Variants in SCAPER observed in about 807,000 individuals in gnomAD.
SCAPER encodes S phase cyclin A-associated protein in the endoplasmic reticulum.
In SCAPER, 98 loss-of-function variants were observed where a neutral mutation model predicts 182.2. The ratio of observed to expected loss-of-function variants is 0.54; its 90% CI spans 0.46 to 0.64. The LOEUF is 0.64. Among genes scored for constraint, SCAPER ranks in the 30% least tolerant of loss-of-function variants. The pLI is 0.00. For missense variants in SCAPER, 1,432 were observed against 1,690.0 expected, an observed-to-expected ratio of 0.85 and a Z score of 2.68; for synonymous variants, 605 against 564.6, an observed-to-expected ratio of 1.07 and a Z score of -1.01.
intron 16 of SCAPER, among the ~76,000 whole-genome samples, chr15:76,729,694 A>G (rs1213990905): frequency 6.6e-6 from 1 of 152,124 alleles, no homozygotes; most frequent in Non-Finnish European, 1.5e-5. Context: ...ATAAATAATA[A>G]TATGTATTTC....
intron 21 of SCAPER, among the ~76,000 whole-genome samples, chr15:76,627,257 GAAATT>G (rs2052669887): frequency 7.4e-6 from 1 of 135,100 alleles, no homozygotes; most frequent in Non-Finnish European, 1.6e-5. Flanking sequence ...ACAAATCTCA[GAAATT>G]AAACCTCTAT....
At chr15:76,826,569 TAA>T (rs35678906) in intron 5 of SCAPER, among the ~76,000 whole-genome samples, 111,631 of 144,084 alleles carry the variant, frequency 0.77, 44,368 homozygotes, top group Middle Eastern at 0.9. Flanking sequence ...TAATAATAAT[TAA>T]AAAAAAAAAA....
chr15:76,408,754 G>C (rs1476931306), intron 26 of SCAPER, among the ~76,000 whole-genome samples: 1 of 151,712 alleles, frequency 6.6e-6, no homozygotes, highest in Non-Finnish European at 1.5e-5. Context: ...TCTGACTCCT[G>C]ATAAGAGGGT....
chr15:76,726,457 C>A lies in SCAPER; in HGVS notation c.2165+2138G>T, dbSNP rs190566301. ...CTATGAAAAACAGTAGGGTTCTCTT[C>A]AAAAAAAAACCAATAAAATTAGTAT... is the stretch of plus-strand genomic sequence containing the variant. On this transcript the variant is annotated intron_variant, in intron 17 of 31. Transcript: ENST00000563290. Among the ~76,000 whole-genome samples, 1,480 of 149,356 alleles carry A rather than the reference C, an allele frequency of 9.9e-3. 10 individuals carry two copies. The highest frequency in any genetic ancestry group is 0.015 in the Non-Finnish European group (1,026 of 67,128).
At chr15:76,800,498 G>C in intron 6 of SCAPER, 134 bp from the exon 7 acceptor site, 1 of 661,492 alleles carries the variant, frequency 1.5e-6, no homozygotes, top group Non-Finnish European at 2.7e-6. Context: ...CACAACATGT[G>C]CAAATGTTCC....
At chr15:76,692,696 G>GAAAAAA (rs71143354) in intron 20 of SCAPER, among the ~76,000 whole-genome samples, 1 of 98,788 alleles carries the variant, frequency 1.0e-5, no homozygotes, top group Non-Finnish European at 2.0e-5. Flanking sequence ...TTCAAAAAAA[G>GAAAAAA]AAAAAAAAAA....
chr15:76,506,060 T>C (rs528648609), intron 23 of SCAPER, among the ~76,000 whole-genome samples: 14 of 150,576 alleles, frequency 9.3e-5, no homozygotes, highest in African/African-American at 3.4e-4. Context: ...ATTGAACTCA[T>C]GGAGATAGAG....
At chr15:76,876,210 G>A (rs1259634710) in intron 2 of SCAPER, among the ~76,000 whole-genome samples, 3 of 152,130 alleles carry the variant, frequency 2.0e-5, no homozygotes, top group African/African-American at 7.2e-5. Context: ...ACACCTCCCG[G>A]CAAGCTGAGG....
intron 10 of SCAPER, among the ~76,000 whole-genome samples, chr15:76,768,248 C>T (rs1429853906): frequency 3.6e-4 from 55 of 152,038 alleles, no homozygotes; most frequent in Non-Finnish European, 2.1e-4. Context: ...AACTGTTATG[C>T]AAATACTTAA....
chr15:76,465,400 T>C (rs2049526308), intron 25 of SCAPER, among the ~76,000 whole-genome samples: 1 of 152,136 alleles, frequency 6.6e-6, no homozygotes, highest in Non-Finnish European at 1.5e-5. Context: ...AGGCTCCTCC[T>C]CCTAATGCCA....
chr15:76,571,651 A>T (rs2047442274), intron 23 of SCAPER, among the ~76,000 whole-genome samples: 1 of 152,162 alleles, frequency 6.6e-6, no homozygotes, highest in African/African-American at 2.4e-5. Context: ...GCAAATAAAG[A>T]CGTCAAGATT....
chr15:76,459,677 A>G (rs2049009591), intron 25 of SCAPER, among the ~76,000 whole-genome samples: 1 of 151,006 alleles, frequency 6.6e-6, no homozygotes, highest in Non-Finnish European at 1.5e-5. Flanking sequence ...AAAGGTTTTT[A>G]GTTTAATATA....
At chr15:76,384,293 T>C (rs1403019417) in intron 27 of SCAPER, among the ~76,000 whole-genome samples, 3 of 152,208 alleles carry the variant, frequency 2.0e-5, no homozygotes, top group Non-Finnish European at 4.4e-5. Flanking sequence ...TTCCCTTTAC[T>C]CTTGTGTTGC....
intron 2 of SCAPER, among the ~76,000 whole-genome samples, chr15:76,876,887 C>A (rs907591773): frequency 6.6e-6 from 1 of 152,190 alleles, no homozygotes; most frequent in African/African-American, 2.4e-5. Context: ...GCTGAACCTA[C>A]AGCAGCTTGT....
intron 5 of SCAPER, among the ~76,000 whole-genome samples, chr15:76,815,986 T>C (rs946301922): frequency 1.3e-5 from 2 of 152,150 alleles, no homozygotes; most frequent in Non-Finnish European, 2.9e-5. Flanking sequence ...AAAAATACGT[T>C]GCAAAATATT....
rs540596058 is a variant in SCAPER, at chr15:76,658,272, C to G, written c.2645+7381G>C. ...AGTGGCATTTCTACACACCAACATCCAAGCTGAGGGCCAATTCAAGAATGC... is the reference window on the plus strand; with the variant it reads ...AGTGGCATTTCTACACACCAACATCGAAGCTGAGGGCCAATTCAAGAATGC... On this transcript the variant is annotated intron_variant, in intron 21 of 31. Coordinates refer to ENST00000563290, the MANE Select transcript of SCAPER (RefSeq NM_020843.4). Among the ~76,000 whole-genome samples, 482 of 152,104 alleles carry G rather than the reference C, an allele frequency of 3.2e-3. 5 individuals carry two copies. Among genetic ancestry groups the G allele is most frequent in the African/African-American group, 0.011 (460 of 41,492 alleles).
intron 23 of SCAPER, among the ~76,000 whole-genome samples, chr15:76,526,387 C>G (rs542621652): frequency 6.6e-6 from 1 of 152,154 alleles, no homozygotes; most frequent in Non-Finnish European, 1.5e-5. Flanking sequence ...TGTCTCTACT[C>G]TAGTAGTTTA....
chr15:76,370,312 T>TG (rs2042079812), intron 29 of SCAPER, among the ~76,000 whole-genome samples: 7 of 83,592 alleles, frequency 8.4e-5, no homozygotes, highest in Non-Finnish European at 1.5e-4. Flanking sequence ...TTTTTTTTTT[T>TG]TTTTGTTTTA....
At chr15:76,819,993 C>G (rs1402328815) in intron 5 of SCAPER, among the ~76,000 whole-genome samples, 1 of 152,202 alleles carries the variant, frequency 6.6e-6, no homozygotes, top group Non-Finnish European at 1.5e-5. Context: ...AAAAAATGCT[C>G]ATCATCACTG....
Sources: allele counts gnomAD v4.1 joint callset (sites outside exome capture counted in the v4.1 genomes callset), GRCh38; gene constraint gnomAD v4.1.1; transcripts MANE v1.5; gene names NCBI Gene and HGNC (gene_info 2026-07-23, HGNC 2026-07-21).